Variants in AGBL1 observed in about 807,000 individuals in gnomAD.
AGBL1 encodes the protein cytosolic carboxypeptidase 4.
AGBL1 carries 130 observed loss-of-function variants against 118.9 expected under a neutral mutation model. That is an observed-to-expected ratio of 1.09 (90% confidence interval 0.95 to 1.26). The LOEUF is 1.26. Among genes scored for constraint, AGBL1 ranks in the 50% most tolerant of loss-of-function variants. AGBL1 has a pLI of 0.00. For synonymous variants in AGBL1, 555 were observed against 478.9 expected (o/e 1.16, Z -2.08); for missense variants, 1,584 against 1,298.1 (o/e 1.22, Z -3.38).
chr15:86,648,272 G>A (rs1379892117), intron 21 of AGBL1, among the ~76,000 whole-genome samples: 1 of 152,202 alleles, frequency 6.6e-6, no homozygotes, highest in African/African-American at 2.4e-5. Context: ...GCAGTTCTCA[G>A]TGAGGGCTAG....
intron 5 of AGBL1, among the ~76,000 whole-genome samples, chr15:86,221,340 C>T (rs1288416865): frequency 6.6e-6 from 1 of 152,204 alleles, no homozygotes; most frequent in East Asian, 1.9e-4. Flanking sequence ...CCCCAGTTCA[C>T]GCACTCAATA....
At chr15:86,465,594 G>A (rs1357119247) in intron 18 of AGBL1, among the ~76,000 whole-genome samples, 1 of 152,198 alleles carries the variant, frequency 6.6e-6, no homozygotes, top group Non-Finnish European at 1.5e-5. Context: ...TGCATTCCCA[G>A]TAGGAGGTCT....
chr15:86,696,790 T>A (rs967600557), intron 22 of AGBL1, among the ~76,000 whole-genome samples: 1 of 151,960 alleles, frequency 6.6e-6, no homozygotes, highest in Non-Finnish European at 1.5e-5. Flanking sequence ...AGTGCTGGCT[T>A]GGTAGCAGCA....
At chr15:86,715,464 C>G (rs573824346) in intron 22 of AGBL1, among the ~76,000 whole-genome samples, 1 of 152,256 alleles carries the variant, frequency 6.6e-6, no homozygotes, top group South Asian at 2.1e-4. Flanking sequence ...ATTTTTAACT[C>G]ATAACTGAAC....
intron 21 of AGBL1, among the ~76,000 whole-genome samples, chr15:86,660,756 A>C (rs912221904): frequency 6.6e-6 from 1 of 152,120 alleles, no homozygotes; most frequent in East Asian, 1.9e-4. Context: ...TTTTGGTCAG[A>C]TATTATCTTT....
intron 20 of AGBL1, among the ~76,000 whole-genome samples, chr15:86,551,991 A>G (rs2346728): frequency 1.3e-5 from 2 of 152,024 alleles, no homozygotes; most frequent in Non-Finnish European, 2.9e-5. Flanking sequence ...GAAGGAAGGA[A>G]AAATAGGTGG....
At chr15:86,667,402 A>G (rs904380799) in intron 21 of AGBL1, among the ~76,000 whole-genome samples, 1 of 152,178 alleles carries the variant, frequency 6.6e-6, no homozygotes, top group Admixed American at 6.5e-5. Context: ...TGTGGTTTGC[A>G]TTCAATGTTT....
intron 5 of AGBL1, among the ~76,000 whole-genome samples, chr15:86,162,469 C>T (rs1389215245): frequency 1.3e-5 from 2 of 152,198 alleles, no homozygotes; most frequent in Non-Finnish European, 2.9e-5. Context: ...CAACCACATA[C>T]TTGCTAGAGA....
At chr15:86,521,371 C>G (rs1468926710) in intron 18 of AGBL1, among the ~76,000 whole-genome samples, 1 of 152,188 alleles carries the variant, frequency 6.6e-6, no homozygotes, top group Non-Finnish European at 1.5e-5. Flanking sequence ...TATCCAATAT[C>G]AACTCTTGAC....
intron 17 of AGBL1, among the ~76,000 whole-genome samples, chr15:86,307,816 A>T (rs1482417102): frequency 2.0e-5 from 3 of 152,130 alleles, no homozygotes; most frequent in African/African-American, 7.2e-5. Context: ...TAACATATAG[A>T]CCTAGATTAA....
At chr15:86,178,127 C>T (rs113529433) in intron 5 of AGBL1, among the ~76,000 whole-genome samples, 35 of 152,268 alleles carry the variant, frequency 2.3e-4, no homozygotes, top group African/African-American at 7.5e-4. Context: ...TCCTGGCCAA[C>T]GTGATGTAAC....
At chr15:86,667,801 T>C (rs557660337) in intron 21 of AGBL1, among the ~76,000 whole-genome samples, 6 of 152,336 alleles carry the variant, frequency 3.9e-5, no homozygotes, top group African/African-American at 7.2e-5. Flanking sequence ...AAAATTCCTA[T>C]TTATATGTTT....
intron 9 of AGBL1, among the ~76,000 whole-genome samples, chr15:86,259,381 G>A (rs191211788): frequency 6.6e-6 from 1 of 152,128 alleles, no homozygotes; most frequent in Non-Finnish European, 1.5e-5. Context: ...TTTGTTGTCT[G>A]TAAAATAAGA....
At chr15:86,718,002 T>C (rs925240129) in intron 22 of AGBL1, among the ~76,000 whole-genome samples, 1 of 152,124 alleles carries the variant, frequency 6.6e-6, no homozygotes, top group Non-Finnish European at 1.5e-5. Flanking sequence ...CACTTGAACC[T>C]GGGAGGTGGA....
rs367935625 is a variant in AGBL1 at position 86,493,566 on chromosome 15, C to G, written c.2556-29244C>G. ...CCATTGAGAGCCAGAATAATTGGGT[C>G]TTGATCTCACATTCCTCACTTTTGG... On this transcript the variant is annotated intron_variant, in intron 18 of 22. Coordinates refer to ENST00000614907, the MANE Select transcript of AGBL1 (RefSeq NM_001386094.1). Among the ~76,000 whole-genome samples, 18 of 152,132 alleles carry G rather than the reference C, an allele frequency of 1.2e-4. No homozygotes were observed. In the East Asian group the frequency reaches 2.3e-3, roughly 20 times the overall value.
At chr15:86,937,272 T>C (rs1194491176) in intron 23 of AGBL1, among the ~76,000 whole-genome samples, 3 of 152,166 alleles carry the variant, frequency 2.0e-5, no homozygotes, top group Admixed American at 6.5e-5. Flanking sequence ...AAAGCAGAAC[T>C]ACCATTAAAC....
chr15:86,893,694 G>T (rs2080083715), intron 22 of AGBL1, among the ~76,000 whole-genome samples: 1 of 152,190 alleles, frequency 6.6e-6, no homozygotes, highest in South Asian at 2.1e-4. Flanking sequence ...TGAGGATGAG[G>T]ATGGTGAACT....
chr15:86,204,450 T>G (rs1319592811), intron 5 of AGBL1, among the ~76,000 whole-genome samples: 2 of 151,902 alleles, frequency 1.3e-5, no homozygotes, highest in African/African-American at 4.8e-5. Flanking sequence ...CCCATCAGAG[T>G]GGTGCATTGA....
intron 22 of AGBL1, among the ~76,000 whole-genome samples, chr15:86,817,712 T>C (rs904580475): frequency 1.3e-5 from 2 of 151,632 alleles, no homozygotes; most frequent in South Asian, 2.1e-4. Flanking sequence ...ATGGGTTGAA[T>C]TGTGGTCCTC....
Sources: gnomAD v4.1 joint callset for allele counts (sites outside exome capture counted in the v4.1 genomes callset) on GRCh38, gnomAD v4.1.1 for gene constraint, MANE v1.5 for transcripts, NCBI Gene and HGNC (gene_info 2026-07-23, HGNC 2026-07-21) for gene names.